The following PCDHA1 variants were observed in gnomAD, a reference collection of about 807,000 sequenced individuals.
PCDHA1 encodes the protein protocadherin alpha 1.
In PCDHA1, 42 loss-of-function variants were observed where a neutral mutation model predicts 61.3. The ratio of observed to expected loss-of-function variants is 0.69; its 90% confidence interval spans 0.54 to 0.89. The LOEUF (loss-of-function observed/expected upper bound fraction) is 0.89, where lower values mean the gene tolerates loss of function less well. PCDHA1 is among the 40% of genes least tolerant of loss of function. The probability of loss-of-function intolerance (pLI) is 0.00; values close to 1 mark genes in which losing one functional copy is unlikely to be tolerated. For missense variants in PCDHA1, 1,256 were observed against 1,235.3 expected, an observed-to-expected ratio of 1.02 and a Z score of -0.25; for synonymous variants, 610 against 553.8, an observed-to-expected ratio of 1.10 and a Z score of -1.43.
At chr5:140,860,671 T>A (rs1339790199) in intron 1 of PCDHA1, 1 of 152,218 alleles carries the variant, frequency 6.6e-6, no homozygotes, top group Non-Finnish European at 1.5e-5. Context: ...TGAAATCAAA[T>A]GCACTTATGT....
At chr5:140,863,314 T>A in intron 1 of PCDHA1, 1 of 1,458,118 alleles carries the variant, frequency 6.9e-7, no homozygotes, top group Non-Finnish European at 9.3e-7. Context: ...CTGCGTGGTG[T>A]CCAGCCTGTT....
At chr5:140,965,352 T>C (rs1474672624) in intron 1 of PCDHA1, among the ~76,000 whole-genome samples, 1 of 152,166 alleles carries the variant, frequency 6.6e-6, no homozygotes, top group Admixed American at 6.5e-5. Context: ...GTTGCCTCTA[T>C]AGCAGTACAA....
intron 1 of PCDHA1, chr5:140,884,206 C>A: frequency 6.2e-7 from 1 of 1,613,542 alleles, no homozygotes; most frequent in Admixed American, 1.7e-5. Flanking sequence ...CGCACCACCG[C>A]CTTCTGGTGC....
At chr5:140,975,120 C>CT (rs140169299) in intron 1 of PCDHA1, among the ~76,000 whole-genome samples, 5 of 152,258 alleles carry the variant, frequency 3.3e-5, no homozygotes, top group African/African-American at 1.2e-4. Flanking sequence ...TGTTTTCCTA[C>CT]TTACTATTGG....
chr5:140,864,844 C>T (rs894176807), intron 1 of PCDHA1: 3 of 152,100 alleles, frequency 2.0e-5, no homozygotes, highest in Admixed American at 2.0e-4. Context: ...AGAGAGTCTT[C>T]CCATACATGA....
intron 1 of PCDHA1, among the ~76,000 whole-genome samples, chr5:140,978,505 C>T (rs2096806553): frequency 6.6e-6 from 1 of 152,354 alleles, no homozygotes; most frequent in South Asian, 2.1e-4. Context: ...AGATTGCAGT[C>T]CTCTGCAGTC....
intron 1 of PCDHA1, chr5:140,803,377 C>T (rs782056345): frequency 6.2e-7 from 1 of 1,614,098 alleles, no homozygotes; most frequent in African/African-American, 1.3e-5. Flanking sequence ...TCCGCGCCGC[C>T]AACCGAAGGC....
chr5:140,844,739 T>G (rs1370806912), intron 1 of PCDHA1, among the ~76,000 whole-genome samples: 1 of 149,606 alleles, frequency 6.7e-6, no homozygotes, highest in Non-Finnish European at 1.5e-5. Context: ...ATATTTAGTA[T>G]TATGGGATAA....
intron 1 of PCDHA1, chr5:140,842,014 A>C: frequency 6.2e-7 from 1 of 1,613,836 alleles, no homozygotes; most frequent in Non-Finnish European, 8.5e-7. Flanking sequence ...TGCTGGTCAC[A>C]GTGCTGGATG....
At chr5:140,807,739 T>C (rs1764022393) in intron 1 of PCDHA1, 3 of 1,614,194 alleles carry the variant, frequency 1.9e-6, no homozygotes, top group South Asian at 1.1e-5. Flanking sequence ...AAAAACCACC[T>C]GATGACGAGC....
chr5:140,795,531 C>T lies in PCDHA1; in HGVS notation c.2394+6847C>T, dbSNP rs147027927. The T allele has an allele frequency of 2.4e-4, 383 of 1,613,926 alleles. 1 individual carries two copies. The highest frequency in any genetic ancestry group is 3.0e-4 in the Non-Finnish European group (356 of 1,180,016). On this transcript the variant is annotated intron_variant, in intron 1 of 3. Coordinates refer to ENST00000504120, the MANE Select transcript of PCDHA1 (RefSeq NM_018900.4). ...ATATACAGGCAAATGATGAACTAAG[C>T]GAATCTTTGTCTCTCGTGCTGGGGA...
intron 1 of PCDHA1, chr5:140,882,203 T>C: frequency 6.5e-7 from 1 of 1,530,090 alleles, no homozygotes; most frequent in East Asian, 2.3e-5. Context: ...AATTGGGCCT[T>C]GAGAGACAGT....
At position 140,857,686 on chromosome 5, in the gene PCDHA1, C is replaced by A; in HGVS notation, c.2394+69002C>A. The A allele has an allele frequency of 3.8e-6, 6 of 1,597,184 alleles. 1 individual carries two copies. Among genetic ancestry groups the A allele is most frequent in the Non-Finnish European group, 5.1e-6 (6 of 1,167,762 alleles). ...ATGGGGGCGTGCCGCCTCTGGGCAG[C>A]AACTTGACGCTGCAGGTGTTCGTGC... On this transcript the variant is annotated intron_variant, in intron 1 of 3. Transcript: ENST00000504120.
chr5:140,887,885 A>G (rs1281444456), intron 1 of PCDHA1, among the ~76,000 whole-genome samples: 1 of 152,144 alleles, frequency 6.6e-6, no homozygotes, highest in Non-Finnish European at 1.5e-5. Context: ...TTGTAGTATC[A>G]TATCTGTTAA....
intron 1 of PCDHA1, among the ~76,000 whole-genome samples, chr5:140,789,209 G>A (rs1284364679): frequency 6.6e-6 from 1 of 152,186 alleles, no homozygotes; most frequent in African/African-American, 2.4e-5. Flanking sequence ...CAAAACTTTG[G>A]GAGGCCGAGG....
chr5:140,976,494 G>A (rs1247242198), intron 1 of PCDHA1, among the ~76,000 whole-genome samples: 1 of 151,942 alleles, frequency 6.6e-6, no homozygotes, highest in Non-Finnish European at 1.5e-5. Context: ...GAGGTTGCAG[G>A]GAGCCAAGAT....
intron 1 of PCDHA1, chr5:140,809,895 A>G (rs1764562503): frequency 9.8e-6 from 2 of 203,636 alleles, no homozygotes; most frequent in African/African-American, 4.7e-5. Context: ...CATATAAACA[A>G]ATGTGCACAG....
At chr5:140,974,264 C>A (rs2096620873) in intron 1 of PCDHA1, among the ~76,000 whole-genome samples, 1 of 152,168 alleles carries the variant, frequency 6.6e-6, no homozygotes, top group African/African-American at 2.4e-5. Flanking sequence ...CCTTTCTGGC[C>A]TTCCAGGGTC....
At chr5:140,956,906 A>G (rs2095319439) in intron 1 of PCDHA1, among the ~76,000 whole-genome samples, 1 of 152,218 alleles carries the variant, frequency 6.6e-6, no homozygotes, top group Non-Finnish European at 1.5e-5. Flanking sequence ...TCTTAAATGT[A>G]TAAACTTTAA....
Sources: gnomAD v4.1 joint callset for allele counts (sites outside exome capture counted in the v4.1 genomes callset) on GRCh38, gnomAD v4.1.1 for gene constraint, MANE v1.5 for transcripts, NCBI Gene and HGNC (gene_info 2026-07-23, HGNC 2026-07-21) for gene names.